The following BMAL2 variants were observed in gnomAD, a reference collection of about 807,000 sequenced individuals.
BMAL2 encodes basic helix-loop-helix ARNT like 2, also known as basic helix-loop-helix ARNT-like protein 2.
chr12:27,365,156 G>A, the BMAL2 span, among the ~76,000 whole-genome samples: 4 of 151,690 alleles, frequency 2.6e-5, no homozygotes, highest in Non-Finnish European at 5.9e-5. Flanking sequence ...TTCTAATATA[G>A]AATTAAGGGT....
the BMAL2 span, among the ~76,000 whole-genome samples, chr12:27,420,019 G>GCGCGCGCGCGCGCACACACACA: frequency 6.8e-6 from 1 of 147,478 alleles, no homozygotes; most frequent in South Asian, 2.2e-4. Context: ...GTTTGCGCGT[G>GCGCGCGCGCGCGCACACACACA]CACACACACA....
the BMAL2 span, among the ~76,000 whole-genome samples, chr12:27,388,681 C>T: frequency 6.6e-6 from 1 of 151,940 alleles, no homozygotes; most frequent in African/African-American, 2.4e-5. Flanking sequence ...AAGGCATAGA[C>T]CTGGGGATGC....
chr12:27,397,497 T>C, the BMAL2 span, among the ~76,000 whole-genome samples: 1 of 152,206 alleles, frequency 6.6e-6, no homozygotes, highest in Non-Finnish European at 1.5e-5. Flanking sequence ...AGAGCAGCCC[T>C]TTTTATTTTA....
chr12:27,375,263 C>G, the BMAL2 span, among the ~76,000 whole-genome samples: 1 of 152,014 alleles, frequency 6.6e-6, no homozygotes, highest in Admixed American at 6.5e-5. Flanking sequence ...GCACACACCA[C>G]AATATTATTA....
chr12:27,360,977 C>T, the BMAL2 span, among the ~76,000 whole-genome samples: 1 of 151,802 alleles, frequency 6.6e-6, no homozygotes, highest in Non-Finnish European at 1.5e-5. Flanking sequence ...AAGTTATTTA[C>T]AAGATAATGA....
the BMAL2 span, among the ~76,000 whole-genome samples, chr12:27,364,373 T>C: frequency 3.3e-5 from 5 of 152,008 alleles, no homozygotes; most frequent in African/African-American, 7.3e-5. Context: ...ACACAGGGAG[T>C]CCCGTTTCAT....
chr12:27,401,043 C>G, the BMAL2 span, among the ~76,000 whole-genome samples: 22 of 152,248 alleles, frequency 1.4e-4, no homozygotes, highest in Admixed American at 1.1e-3. Flanking sequence ...GGAGCACAGC[C>G]TGGATCGGGT....
At chr12:27,424,601 A>T in the BMAL2 span, 1 of 152,206 alleles carries the variant, frequency 6.6e-6, no homozygotes, top group African/African-American at 2.4e-5. Context: ...CAGGTACAAG[A>T]AATAGCCAAT....
chr12:27,356,602 A>T, the BMAL2 span, among the ~76,000 whole-genome samples: 1 of 152,200 alleles, frequency 6.6e-6, no homozygotes. Context: ...GGAAGTAGAA[A>T]TGAGAAAAAT....
chr12:27,402,856 A>G, the BMAL2 span, among the ~76,000 whole-genome samples: 1 of 152,218 alleles, frequency 6.6e-6, no homozygotes, highest in African/African-American at 2.4e-5. Context: ...CGGGAAATAG[A>G]TATCCCATTT....
At chr12:27,370,758 G>A in the BMAL2 span, among the ~76,000 whole-genome samples, 51 of 152,082 alleles carry the variant, frequency 3.4e-4, no homozygotes, top group East Asian at 4.5e-3. Context: ...GGCACCCGCC[G>A]ACACACCCGG....
At chr12:27,378,024 G>A in the BMAL2 span, among the ~76,000 whole-genome samples, 1 of 152,118 alleles carries the variant, frequency 6.6e-6, no homozygotes, top group Admixed American at 6.5e-5. Context: ...ACAGATCAGG[G>A]AAGTCTCCCA....
the BMAL2 span, among the ~76,000 whole-genome samples, chr12:27,393,758 G>A: frequency 6.6e-6 from 1 of 152,182 alleles, no homozygotes; most frequent in Non-Finnish European, 1.5e-5. Context: ...CAAATGCAAA[G>A]GACACACTGG....
At chr12:27,390,195 C>G in the BMAL2 span, 1 of 1,613,868 alleles carries the variant, frequency 6.2e-7, no homozygotes, top group South Asian at 1.1e-5. Flanking sequence ...TGTAAAATCT[C>G]TGTCAAAGAA....
the BMAL2 span, among the ~76,000 whole-genome samples, chr12:27,363,395 A>G: frequency 1.3e-5 from 2 of 152,240 alleles, no homozygotes; most frequent in South Asian, 4.1e-4. Context: ...AGGTAATGCA[A>G]AAATGGTTTC....
chr12:27,377,510 G>A, the BMAL2 span: 8 of 152,192 alleles, frequency 5.3e-5, no homozygotes, highest in African/African-American at 1.9e-4. Context: ...ATCCATCGCT[G>A]CTGTCCATGC....
chr12:27,388,797 A>C, the BMAL2 span, among the ~76,000 whole-genome samples: 1 of 152,320 alleles, frequency 6.6e-6, no homozygotes, highest in Non-Finnish European at 1.5e-5. Context: ...ATATCTGATA[A>C]AGTCACAGAT....
At chr12:27,414,178 G>T in the BMAL2 span, among the ~76,000 whole-genome samples, 23 of 152,158 alleles carry the variant, frequency 1.5e-4, no homozygotes, top group African/African-American at 5.3e-4. Flanking sequence ...ACACCTAAAT[G>T]TATAAAGCAA....
the BMAL2 span, chr12:27,390,472 G>A: frequency 2.3e-6 from 1 of 434,528 alleles, no homozygotes; most frequent in Non-Finnish European, 4.0e-6. Flanking sequence ...TGGTGTTATT[G>A]AAATTGTAGT....
Sources: allele counts gnomAD v4.1 joint callset (sites outside exome capture counted in the v4.1 genomes callset), GRCh38; gene constraint gnomAD v4.1.1; transcripts MANE v1.5; gene names NCBI Gene and HGNC (gene_info 2026-07-23, HGNC 2026-07-21).